The following RYR3 variants were observed in gnomAD, a reference collection of about 807,000 sequenced individuals.
RYR3 encodes brain ryanodine receptor-calcium release channel.
In RYR3, 207 loss-of-function variants were observed where a neutral mutation model predicts 584.3. The observed-to-expected ratio is 0.35, with a 90% CI of 0.32 to 0.40. RYR3 has a LOEUF of 0.40. RYR3 is among the 10% of genes least tolerant of loss of function. The pLI is 1.00. For missense variants in RYR3, 5,616 were observed against 6,089.2 expected, an observed-to-expected ratio of 0.92 and a Z score of 2.59; for synonymous variants, 2,416 against 2,248.5, an observed-to-expected ratio of 1.07 and a Z score of -2.11.
In RYR3 at chr15:33,336,440, AAGAGAGAGAGAGAG is replaced by A. The variant is rs1204873404; in HGVS notation, c.51+25378_51+25391del. On this transcript the variant is annotated intron_variant, in intron 1 of 103. Transcript: ENST00000634891. ...GACGAAAGAAAGAAAGAAAGAAAGA[AAGAGAGAGAGAGAG>A]AGAGAGAGAGAGAGAGAGAGAGAGA... 7.0e-3 allele frequency among the ~76,000 whole-genome samples: 85 copies of A among 12,138 alleles called. 17 individuals carry two copies. Among genetic ancestry groups the A allele is most frequent in the Non-Finnish European group, 7.4e-3 (61 of 8,190 alleles). The allele number at this position is 12,138 out of a possible 152,430, so 8.0% of individuals were successfully genotyped here.
Position 33,722,794 on chromosome 15 carries a change from G to A in RYR3, c.6699G>A (p.Arg2233=), listed in dbSNP as rs1306167957. Residue 2233 remains arginine, a synonymous_variant, in exon 44 of 104, where the codon CGG becomes CGA. Transcript: ENST00000634891. ...CAGAGTGCTTCGGCCCGGCCCTGCG[G>A]GGTGAGGGGGGAAACGGGCTCTTGG... ...RRPECFGPAL[R]GEGGNGLLAA... is the part of the protein sequence containing the mutation. 1 of 1,613,360 alleles carries A rather than the reference G, an allele frequency of 6.2e-7. No homozygotes were observed. Among genetic ancestry groups the A allele is most frequent in the South Asian group, 1.1e-5 (1 of 90,840 alleles).
intron 12 of RYR3, among the ~76,000 whole-genome samples, chr15:33,577,232 A>G (rs2058345845): frequency 6.6e-6 from 1 of 152,188 alleles, no homozygotes; most frequent in East Asian, 1.9e-4. Context: ...CCATTAAACT[A>G]CCATTGACAT....
At chr15:33,415,503 T>TA (rs1397535926) in intron 1 of RYR3, among the ~76,000 whole-genome samples, 14 of 151,302 alleles carry the variant, frequency 9.3e-5, no homozygotes, top group African/African-American at 2.4e-4. Flanking sequence ...ATACTCTTTT[T>TA]TAAAAAAAAA....
intron 59 of RYR3, among the ~76,000 whole-genome samples, chr15:33,756,586 G>A (rs750768479): frequency 6.6e-6 from 1 of 152,110 alleles, no homozygotes; most frequent in Non-Finnish European, 1.5e-5. Context: ...TGGGAACCCA[G>A]GTTCTTCCTC....
chr15:33,566,395 C>T (rs923026565), intron 11 of RYR3, among the ~76,000 whole-genome samples: 6 of 152,254 alleles, frequency 3.9e-5, no homozygotes, highest in South Asian at 2.1e-4. Context: ...GGTATGTTAT[C>T]GCCCTTTCAA....
Position 33,316,527 on chromosome 15 carries a change from G to T in RYR3, c.51+5431G>T, listed in dbSNP as rs552489457. 3.4e-4 allele frequency among the ~76,000 whole-genome samples: 52 copies of T among 152,224 alleles called. No individual in the cohort carries two copies. In the South Asian group the frequency reaches 0.01, roughly 30 times the overall value. On this transcript the variant is annotated intron_variant, in intron 1 of 103. Transcript: ENST00000634891. ...CCTTAATACAAGATTTATCCAGTAG[G>T]AGTGGGATGCTGTAATAATAAAAAA... is the stretch of plus-strand genomic sequence containing the variant.
intron 3 of RYR3, among the ~76,000 whole-genome samples, chr15:33,520,692 T>C (rs1221731003): frequency 6.6e-6 from 1 of 151,754 alleles, no homozygotes; most frequent in East Asian, 1.9e-4. Context: ...GGCGATTTGC[T>C]CTTTTAAAAG....
At chr15:33,753,228 TTTG>T (rs1301178917) in intron 57 of RYR3, among the ~76,000 whole-genome samples, 3 of 152,214 alleles carry the variant, frequency 2.0e-5, no homozygotes, top group African/African-American at 7.2e-5. Context: ...CATACTTTTA[TTTG>T]TTGTTTTATA....
At chr15:33,685,309 A>C (rs944202658) in intron 38 of RYR3, among the ~76,000 whole-genome samples, 2 of 152,228 alleles carry the variant, frequency 1.3e-5, no homozygotes, top group African/African-American at 4.8e-5. Context: ...GTCTCTGATA[A>C]AACAGACTTT....
chr15:33,355,636 A>G (rs1973868349), intron 1 of RYR3, among the ~76,000 whole-genome samples: 1 of 152,222 alleles, frequency 6.6e-6, no homozygotes, highest in African/African-American at 2.4e-5. Flanking sequence ...AGAGCCTTTA[A>G]TCTAGTCATC....
chr15:33,515,845 A>G (rs1388561987), intron 3 of RYR3, among the ~76,000 whole-genome samples: 3 of 152,178 alleles, frequency 2.0e-5, no homozygotes, highest in Admixed American at 1.3e-4. Flanking sequence ...TTTTCTAAAT[A>G]TATTAACTTC....
Position 33,865,307 on chromosome 15 carries a change from ATCTGAAATGTGACATT to A in RYR3, c.*83_*98del. On this transcript the variant is annotated 3_prime_UTR_variant, in exon 104 of 104. Transcript: ENST00000634891. ...TCCCCTTTTTACAGTTCTGCAACAT[ATCTGAAATGTGACATT>A]TTCTAAATGCCTCCCTTAAAAAAAA... is the stretch of plus-strand genomic sequence containing the variant. 1.1e-6 allele frequency: 1 copy of A among 918,832 alleles called. No individual in the cohort carries two copies. 56.9% of individuals were successfully genotyped at this position (918,832 alleles called of 1,614,324 possible). A position where few individuals can be genotyped will look rare whatever the true frequency, so the allele number is the denominator to read the frequency against.
At chr15:33,530,114 C>G (rs2054737397) in intron 3 of RYR3, among the ~76,000 whole-genome samples, 1 of 151,996 alleles carries the variant, frequency 6.6e-6, no homozygotes, top group African/African-American at 2.4e-5. Flanking sequence ...TATAAAGGAC[C>G]CATTTAAGGG....
Position 33,530,637 on chromosome 15 carries a change from G to A in RYR3, c.325G>A (p.Val109Ile), listed in dbSNP as rs749217320. 2.6e-5 allele frequency: 42 copies of A among 1,613,518 alleles called. 1 individual carries two copies. The highest frequency in any genetic ancestry group is 3.3e-4 in the Middle Eastern group (2 of 6,082). The change falls in exon 4 of 104, where the codon GTT becomes ATT. Residue 109 changes from valine to isoleucine, a missense_variant. Transcript: ENST00000634891. ...GHRTLLYGHA[V>I]LLRHSFSGMY... is the part of the protein sequence containing the mutation. The stretch of plus-strand genomic sequence containing the variant: ...CAGGACCCTGTTATACGGCCATGCA[G>A]TTCTCCTGAGGCACTCTTTCAGCGG...
intron 1 of RYR3, among the ~76,000 whole-genome samples, chr15:33,362,008 G>T (rs566543982): frequency 1.3e-5 from 2 of 152,188 alleles, no homozygotes; most frequent in Admixed American, 6.5e-5. Flanking sequence ...CTAAGTTGCC[G>T]CATTCCCAAG....
Position 33,654,510 on chromosome 15 carries a change from T to TA in RYR3, c.4308+1640dup, listed in dbSNP as rs11327967. On this transcript the variant is annotated intron_variant, in intron 32 of 103. Coordinates refer to ENST00000634891, the MANE Select transcript of RYR3 (RefSeq NM_001036.6). ...TGAGTGACTGAGTAAGACCCTGTCT[T>TA]AAAAAAAAAAAAAGAATGAATTTTC... Among the ~76,000 whole-genome samples, 358 of 148,618 alleles carry TA rather than the reference T, an allele frequency of 2.4e-3. 3 individuals carry two copies. Among genetic ancestry groups the TA allele is most frequent in the African/African-American group, 8.0e-3 (325 of 40,396 alleles).
At chr15:33,386,347 C>T (rs1349911710) in intron 1 of RYR3, among the ~76,000 whole-genome samples, 1 of 152,138 alleles carries the variant, frequency 6.6e-6, no homozygotes, top group Non-Finnish European at 1.5e-5. Context: ...TGTCACTGAG[C>T]CCATATCTTG....
chr15:33,742,348 T>C lies in RYR3; in HGVS notation c.7821-18T>C. Reference sequence around the variant, plus strand: ...GAAGTGCTTGGGGAGGTTGTAATTTTTTTTCCTCATTTCACAGTTTTTCCT... The same window carrying C: ...GAAGTGCTTGGGGAGGTTGTAATTTCTTTTCCTCATTTCACAGTTTTTCCT... On this transcript the variant is annotated intron_variant, in intron 51 of 103. Transcript: ENST00000634891. The C allele has an allele frequency of 3.2e-6, 5 of 1,574,198 alleles. No individual in the cohort carries two copies. The highest frequency in any genetic ancestry group is 4.4e-6 in the Non-Finnish European group (5 of 1,143,818).
At chr15:33,839,910 T>G (rs918381578) in intron 89 of RYR3, 1 of 152,198 alleles carries the variant, frequency 6.6e-6, no homozygotes, top group Admixed American at 6.5e-5. Flanking sequence ...GAATACAGTT[T>G]GATACATAAT....
Sources: gnomAD v4.1 joint callset for allele counts (sites outside exome capture counted in the v4.1 genomes callset) on GRCh38, gnomAD v4.1.1 for gene constraint, MANE v1.5 for transcripts, NCBI Gene and HGNC (gene_info 2026-07-23, HGNC 2026-07-21) for gene names.